Variants in CBX1 observed in about 807,000 individuals in gnomAD.
CBX1 encodes chromobox 1, also known as chromobox protein homolog 1.
CBX1 carries 10 observed loss-of-function variants against 25.1 expected under a neutral mutation model. The ratio of observed to expected loss-of-function variants is 0.40; its 90% CI spans 0.25 to 0.68. The LOEUF is 0.68. Ranked by LOEUF, CBX1 falls within the 30% of genes least tolerant of loss-of-function variation. The probability of loss-of-function intolerance (pLI) is 0.40; values close to 1 mark genes in which losing one functional copy is unlikely to be tolerated. For synonymous variants in CBX1, 63 were observed against 79.4 expected (o/e 0.79, Z 1.10); for missense variants, 106 against 218.5 (o/e 0.49, Z 3.25).
intron 1 of CBX1, among the ~76,000 whole-genome samples, chr17:48,091,523 C>T (rs371160879): frequency 1.7e-4 from 25 of 149,918 alleles, no homozygotes; most frequent in South Asian, 1.0e-3. Flanking sequence ...TACAGGTGCC[C>T]GCCACCATGC....
intron 1 of CBX1, among the ~76,000 whole-genome samples, chr17:48,089,928 T>A (rs1280686358): frequency 7.0e-6 from 1 of 143,416 alleles, no homozygotes; most frequent in Non-Finnish European, 1.5e-5. Context: ...TATTTGTGAC[T>A]TTTTTTTTTT....
chr17:48,082,501 C>CAAAAAAA (rs572999255), intron 1 of CBX1, among the ~76,000 whole-genome samples: 1 of 53,756 alleles, frequency 1.9e-5, no homozygotes, highest in African/African-American at 7.9e-5. Flanking sequence ...GACTCCATCT[C>CAAAAAAA]AAAAAAAAAA....
intron 2 of CBX1, 149 bp from the exon 3 acceptor site, chr17:48,076,327 T>G: frequency 1.8e-6 from 1 of 556,080 alleles, no homozygotes; most frequent in East Asian, 2.9e-5. Context: ...AATAGAAAGC[T>G]AAGAAACTGG....
At chr17:48,091,378 CTTTTT>C (rs995253792) in intron 1 of CBX1, among the ~76,000 whole-genome samples, 1 of 144,648 alleles carries the variant, frequency 6.9e-6, no homozygotes, top group Non-Finnish European at 1.5e-5. Flanking sequence ...GATCTTCTAG[CTTTTT>C]TTTTTTTAAG....
At chr17:48,097,321 A>C (rs1299129921) in intron 1 of CBX1, among the ~76,000 whole-genome samples, 1 of 151,930 alleles carries the variant, frequency 6.6e-6, no homozygotes, top group African/African-American at 2.4e-5. Context: ...TCAGTTAAAA[A>C]TTAATACTAT....
At position 48,074,971 on chromosome 17, in the gene CBX1, A is replaced by G. The variant is rs2875747; in HGVS notation, c.413+35T>C. ...TGGCATGAAACCAATGGGAGAAGAA[A>G]AAAAACAACCACACAGAGCCACTGG... On this transcript the variant is annotated intron_variant, in intron 4 of 4. Coordinates refer to ENST00000225603, the MANE Select transcript of CBX1 (RefSeq NM_001127228.2). The G allele has an allele frequency of 4.5e-3, 6,600 of 1,476,346 alleles. 187 individuals are homozygous for G. The African/African-American group carries it at 0.07, about 16-fold the overall frequency. 91.5% of individuals were successfully genotyped at this position (1,476,346 alleles called of 1,614,324 possible).
chr17:48,094,658 A>G (rs930190344), intron 1 of CBX1, among the ~76,000 whole-genome samples: 4 of 146,642 alleles, frequency 2.7e-5, no homozygotes, highest in African/African-American at 1.0e-4. Context: ...TGAATCCGGA[A>G]AACGGGGTTA....
At chr17:48,093,300 A>G (rs1178967053) in intron 1 of CBX1, among the ~76,000 whole-genome samples, 1 of 151,764 alleles carries the variant, frequency 6.6e-6, no homozygotes, top group Non-Finnish European at 1.5e-5. Flanking sequence ...AAAAAAAAAA[A>G]AAGACACAGA....
chr17:48,081,204 G>T (rs2037735114), intron 1 of CBX1, among the ~76,000 whole-genome samples: 1 of 151,170 alleles, frequency 6.6e-6, no homozygotes, highest in African/African-American at 2.4e-5. Context: ...ACTGGCATGA[G>T]ATCTGGCCAA....
chr17:48,082,018 A>C (rs1008809168), intron 1 of CBX1, among the ~76,000 whole-genome samples: 13 of 152,068 alleles, frequency 8.5e-5, no homozygotes, highest in Non-Finnish European at 1.6e-4. Flanking sequence ...TGGAAGGCCT[A>C]GGCAGAAGGA....
At position 48,101,414 on chromosome 17, in the gene CBX1, C is replaced by T; in HGVS notation, c.-184G>A. ...TCACTGAAGCGGCGTACCGCAGGCC[C>T]CGGCCAACGGCCCTCCCCTCAGCCG... On this transcript the variant is annotated 5_prime_UTR_variant, in exon 1 of 5. Coordinates refer to ENST00000225603, the MANE Select transcript of CBX1 (RefSeq NM_001127228.2). 3.0e-6 allele frequency: 3 copies of T among 985,542 alleles called. No homozygotes were observed. The highest frequency in any genetic ancestry group is 3.6e-6 in the Non-Finnish European group (3 of 829,996). The allele number at this position is 985,542 out of a possible 1,614,324, so 61.0% of individuals were successfully genotyped here. A position where few individuals can be genotyped will look rare whatever the true frequency, so the allele number is the denominator to read the frequency against.
At position 48,073,125 on chromosome 17, in the gene CBX1, TA is replaced by T. The variant is rs5820682; in HGVS notation, c.414-1547del. On this transcript the variant is annotated intron_variant, in intron 4 of 4. Coordinates refer to ENST00000225603, the MANE Select transcript of CBX1 (RefSeq NM_001127228.2). ...TGACAGAGCGAGACTCTGTCTCATTTAAAAAAAAAACAAACTCTTATCTTCA... is the reference window on the plus strand; with the variant it reads ...TGACAGAGCGAGACTCTGTCTCATTTAAAAAAAAACAAACTCTTATCTTCA... Among the ~76,000 whole-genome samples the T allele has an allele frequency of 4.0e-5, 6 of 148,634 alleles. No homozygotes were observed. The East Asian group carries it at 6.0e-4, about 15-fold the overall frequency.
At chr17:48,082,426 C>T (rs1433483245) in intron 1 of CBX1, among the ~76,000 whole-genome samples, 1 of 128,434 alleles carries the variant, frequency 7.8e-6, no homozygotes, top group African/African-American at 2.9e-5. Context: ...GGCGTGAACT[C>T]GGGTAGCGGA....
Position 48,076,010 on chromosome 17 carries a change from C to G in CBX1, c.309G>C (p.Lys103Asn), listed in dbSNP as rs1441966641. ...DKGEESKPKK[K>N]KEESEKPRGF... The stretch of plus-strand genomic sequence containing the variant: ...TTACTTCTATTCTTACCTCTTCTTT[C>G]TTCTTCTTTGGTTTGCTCTCCTCTC... The change falls in exon 3 of 5, where the codon AAG becomes AAC. Residue 103 changes from lysine to asparagine, a missense_variant. Physicochemically the swap from Lys to Asn is moderately conservative, Grantham distance 94. Transcript: ENST00000225603. 6.3e-7 allele frequency: 1 copy of G among 1,598,680 alleles called. No individual in the cohort carries two copies. The highest frequency in any genetic ancestry group is 8.6e-7 in the Non-Finnish European group (1 of 1,169,572).
intron 1 of CBX1, chr17:48,100,825 C>T (rs2063405053): frequency 1.0e-6 from 1 of 985,680 alleles, no homozygotes; most frequent in East Asian, 1.1e-4. Context: ...AGCCAGGTTC[C>T]TCTGGCAGTC....
chr17:48,099,654 C>T (rs1384723902), intron 1 of CBX1, among the ~76,000 whole-genome samples: 1 of 152,158 alleles, frequency 6.6e-6, no homozygotes, highest in Non-Finnish European at 1.5e-5. Flanking sequence ...AGCCTTGGAC[C>T]TTTCACAATC....
At chr17:48,080,209 G>C (rs1208157537) in intron 1 of CBX1, among the ~76,000 whole-genome samples, 2 of 151,986 alleles carry the variant, frequency 1.3e-5, no homozygotes, top group Non-Finnish European at 2.9e-5. Flanking sequence ...GTTGATTTTT[G>C]TATATTTAGT....
rs951361649 is a variant in CBX1, at chr17:48,101,456, A to C, written c.-226T>G. The C allele has an allele frequency of 1.7e-5, 17 of 985,666 alleles. No individual in the cohort carries two copies. Among genetic ancestry groups the C allele is most frequent in the Non-Finnish European group, 2.0e-5 (17 of 830,132 alleles). 61.1% of individuals were successfully genotyped at this position (985,666 alleles called of 1,614,324 possible). ...CCTCAGCCGAACAAAAGAGCCTCGC[A>C]GTCTGCGCTGCCCGCCGCTCGCACC... On this transcript the variant is annotated 5_prime_UTR_variant, in exon 1 of 5. Coordinates refer to ENST00000225603, the MANE Select transcript of CBX1 (RefSeq NM_001127228.2).
At chr17:48,099,281 T>C (rs1030757277) in intron 1 of CBX1, among the ~76,000 whole-genome samples, 1 of 152,194 alleles carries the variant, frequency 6.6e-6, no homozygotes, top group East Asian at 1.9e-4. Flanking sequence ...TTTGTATTTT[T>C]AGTAGAGACA....
Sources: allele counts gnomAD v4.1 joint callset (sites outside exome capture counted in the v4.1 genomes callset), GRCh38; gene constraint gnomAD v4.1.1; transcripts MANE v1.5; gene names NCBI Gene and HGNC (gene_info 2026-07-23, HGNC 2026-07-21).